The following EPB41L2 variants were observed in gnomAD, a reference collection of about 807,000 sequenced individuals.
EPB41L2 encodes the protein band 4.1-like protein 2.
EPB41L2 carries 43 observed loss-of-function variants against 113.0 expected under a neutral mutation model. That is an observed-to-expected ratio of 0.38 (90% CI 0.30 to 0.49). The LOEUF (loss-of-function observed/expected upper bound fraction) is 0.49, where lower values mean the gene tolerates loss of function less well. Among genes scored for constraint, EPB41L2 ranks in the 20% least tolerant of loss-of-function variants. The pLI is 0.95. For synonymous variants in EPB41L2, 442 were observed against 436.7 expected, an observed-to-expected ratio of 1.01 and a Z score of -0.15; for missense variants, 1,147 against 1,223.4, an observed-to-expected ratio of 0.94 and a Z score of 0.93.
intron 1 of EPB41L2, among the ~76,000 whole-genome samples, chr6:131,003,137 TA>T (rs910385816): frequency 4.7e-5 from 7 of 150,408 alleles, no homozygotes; most frequent in Non-Finnish European, 7.4e-5. Flanking sequence ...ATTCTACATT[TA>T]AAAAAAAATC....
intron 1 of EPB41L2, among the ~76,000 whole-genome samples, chr6:131,042,304 A>T (rs2128185118): frequency 6.6e-6 from 1 of 152,332 alleles, no homozygotes; most frequent in African/African-American, 2.4e-5. Flanking sequence ...AAAAACTAGC[A>T]AAAGATTTAC....
chr6:130,961,995 T>C (rs1773694636), intron 1 of EPB41L2, among the ~76,000 whole-genome samples: 1 of 152,200 alleles, frequency 6.6e-6, no homozygotes, highest in South Asian at 2.1e-4. Context: ...CTACATCGGA[T>C]AAAACTAGTT....
rs946590082 is a variant in EPB41L2 at position 130,840,298 on chromosome 6, T to A, written c.*306A>T. 1.3e-5 allele frequency: 2 copies of A among 152,532 alleles called. No individual in the cohort carries two copies. Among genetic ancestry groups the A allele is most frequent in the Non-Finnish European group, 2.9e-5 (2 of 68,024 alleles). The allele number at this position is 152,532 out of a possible 1,614,324, so 9.4% of individuals were successfully genotyped here. ...AAAGTGAGTCATTAAAAGCAGGTAG[T>A]TGCACACAAAGTAAACAGAAAACAA... is the stretch of plus-strand genomic sequence containing the variant. On this transcript the variant is annotated 3_prime_UTR_variant, in exon 20 of 20. Coordinates refer to ENST00000337057, the MANE Select transcript of EPB41L2 (RefSeq NM_001431.4).
At chr6:131,054,609 G>C (rs997206758) in intron 1 of EPB41L2, among the ~76,000 whole-genome samples, 1 of 152,132 alleles carries the variant, frequency 6.6e-6, no homozygotes, top group African/African-American at 2.4e-5. Context: ...GTCCCTGTTC[G>C]GGCGCCACTT....
chr6:130,963,847 T>C (rs1309524529), intron 1 of EPB41L2, among the ~76,000 whole-genome samples: 1 of 152,158 alleles, frequency 6.6e-6, no homozygotes, highest in African/African-American at 2.4e-5. Flanking sequence ...CAACACACAC[T>C]AGCAGAGATT....
intron 3 of EPB41L2, among the ~76,000 whole-genome samples, chr6:130,938,107 A>C (rs986508158): frequency 6.6e-6 from 1 of 152,244 alleles, no homozygotes; most frequent in African/African-American, 2.4e-5. Flanking sequence ...GTTGTAAAGC[A>C]GAGGGAGATA....
At chr6:130,878,357 A>G in intron 13 of EPB41L2, 107 bp from the exon 14 acceptor site, 1 of 1,316,278 alleles carries the variant, frequency 7.6e-7, no homozygotes, top group Non-Finnish European at 1.0e-6. Context: ...CGATTAAAAA[A>G]AAAACCATAG....
In EPB41L2 at chr6:131,025,161, C is replaced by T. The variant is rs146559400; in HGVS notation, c.-15+37994G>A. On this transcript the variant is annotated intron_variant, in intron 1 of 19. Coordinates refer to ENST00000337057, the MANE Select transcript of EPB41L2 (RefSeq NM_001431.4). ...CAGATACCCACAAGTTCCAAGACCACTCTTGGTAATGGTGACTGTAGGTGC... is the reference window on the plus strand; with the variant it reads ...CAGATACCCACAAGTTCCAAGACCATTCTTGGTAATGGTGACTGTAGGTGC... 2.0e-5 allele frequency among the ~76,000 whole-genome samples: 3 copies of T among 152,112 alleles called. No individual in the cohort carries two copies. In the East Asian group the frequency reaches 5.8e-4, roughly 29 times the overall value.
chr6:130,948,940 G>C (rs1813871463), intron 3 of EPB41L2, among the ~76,000 whole-genome samples: 1 of 152,114 alleles, frequency 6.6e-6, no homozygotes, highest in East Asian at 1.9e-4. Context: ...TACAAGGAAA[G>C]GTTTGAACAC....
chr6:130,874,034 C>T (rs1215049061), intron 14 of EPB41L2, among the ~76,000 whole-genome samples: 1 of 152,144 alleles, frequency 6.6e-6, no homozygotes, highest in East Asian at 1.9e-4. Flanking sequence ...CCACACATTT[C>T]GTTATCCAAT....
intron 1 of EPB41L2, among the ~76,000 whole-genome samples, chr6:130,982,111 A>C (rs1779507935): frequency 6.6e-6 from 1 of 152,120 alleles, no homozygotes; most frequent in African/African-American, 2.4e-5. Flanking sequence ...GAATTAAAAA[A>C]AAAAAAAAGC....
chr6:130,992,117 T>C (rs1782013969), intron 1 of EPB41L2, among the ~76,000 whole-genome samples: 1 of 152,208 alleles, frequency 6.6e-6, no homozygotes, highest in African/African-American at 2.4e-5. Flanking sequence ...ACACAAAAGA[T>C]ATATTCATTG....
chr6:130,886,520 C>G (rs577812933), intron 11 of EPB41L2, among the ~76,000 whole-genome samples: 116 of 152,202 alleles, frequency 7.6e-4, no homozygotes, highest in Non-Finnish European at 1.5e-3. Flanking sequence ...GGAGATTTTC[C>G]CAGCCCTTAA....
At chr6:130,973,101 C>CA (rs1018964001) in intron 1 of EPB41L2, among the ~76,000 whole-genome samples, 124 of 151,680 alleles carry the variant, frequency 8.2e-4, no homozygotes, top group African/African-American at 2.5e-3. Context: ...GGCTCCATCT[C>CA]AAAAAAAATA....
chr6:130,880,159 G>C lies in EPB41L2; in HGVS notation c.1881C>G (p.Ser627Arg), dbSNP rs1788825284. Residue 627 changes from serine (S) to arginine (R), a missense_variant, in exon 13 of 20, where the codon AGC (serine) becomes AGG (arginine). Transcript: ENST00000337057. ...VEGDNIYVRH[S>R]NLMLEELDKA... ...TTATACAAACCTCCAACATTAAATTGCTATGTCTGACATAAATATTATCCC... is the reference window on the plus strand; with the variant it reads ...TTATACAAACCTCCAACATTAAATTCCTATGTCTGACATAAATATTATCCC... 2 of 1,607,624 alleles carry C rather than the reference G, an allele frequency of 1.2e-6. No homozygotes were observed. The highest frequency in any genetic ancestry group is 1.7e-6 in the Non-Finnish European group (2 of 1,174,354).
chr6:130,930,033 A>G (rs184811860), intron 3 of EPB41L2, among the ~76,000 whole-genome samples: 1 of 152,260 alleles, frequency 6.6e-6, no homozygotes, highest in African/African-American at 2.4e-5. Context: ...CCCATGAGTT[A>G]TATACACCAC....
chr6:130,855,624 T>C (rs1165329979), intron 19 of EPB41L2, among the ~76,000 whole-genome samples: 1 of 152,154 alleles, frequency 6.6e-6, no homozygotes, highest in Non-Finnish European at 1.5e-5. Flanking sequence ...TTGTAAGACC[T>C]CATTTGATTA....
chr6:131,014,230 C>T (rs1306567581), intron 1 of EPB41L2: 2 of 152,192 alleles, frequency 1.3e-5, no homozygotes, highest in South Asian at 4.1e-4. Context: ...AATCAACCCA[C>T]ATTTTTCTCC....
chr6:130,977,780 G>C (rs1778515094), intron 1 of EPB41L2, among the ~76,000 whole-genome samples: 1 of 152,162 alleles, frequency 6.6e-6, no homozygotes, highest in Non-Finnish European at 1.5e-5. Flanking sequence ...TAACATAAAA[G>C]TAGCAGCTGC....
Sources: allele counts gnomAD v4.1 joint callset (sites outside exome capture counted in the v4.1 genomes callset), GRCh38; gene constraint gnomAD v4.1.1; transcripts MANE v1.5; gene names NCBI Gene and HGNC (gene_info 2026-07-23, HGNC 2026-07-21).